The following RFC3 variants were observed in gnomAD, a reference collection of about 807,000 sequenced individuals.
RFC3 encodes the protein replication factor C subunit 3, also known as A1 38 kDa subunit.
In RFC3, 41 loss-of-function variants were observed where a neutral mutation model predicts 45.1. The ratio of observed to expected loss-of-function variants is 0.91; its 90% confidence interval spans 0.71 to 1.18. The LOEUF (loss-of-function observed/expected upper bound fraction) is 1.18. Ranked by LOEUF, RFC3 falls within the 50% of genes most tolerant of loss-of-function variation. The pLI, the probability that RFC3 is intolerant of heterozygous loss-of-function variation, is 0.00. For synonymous variants in RFC3, 149 were observed against 144.0 expected, an observed-to-expected ratio of 1.03 and a Z score of -0.25; for missense variants, 423 against 428.1, an observed-to-expected ratio of 0.99 and a Z score of 0.10.
chr13:33,974,256 T>G, the RFC3 span, among the ~76,000 whole-genome samples: 1 of 152,212 alleles, frequency 6.6e-6, no homozygotes, highest in Admixed American at 6.5e-5. Context: ...CTTCTTTTTT[T>G]CTTTTTATTT....
At chr13:33,841,413 A>G (rs2082197582), downstream of RFC3, among the ~76,000 whole-genome samples, 1 of 152,318 alleles carries the variant, frequency 6.6e-6, no homozygotes, top group Middle Eastern at 3.4e-3. Flanking sequence ...GCCATGTGGT[A>G]CCTTTACAGA....
intron 1 of RFC3, among the ~76,000 whole-genome samples, chr13:33,819,659 G>A (rs897625059): frequency 5.9e-5 from 9 of 152,040 alleles, no homozygotes; most frequent in South Asian, 4.2e-4. Context: ...TACATTTTCC[G>A]TCAATAGCTT....
At chr13:33,921,975 A>G (rs1411071576) in intron 8 of RFC3, among the ~76,000 whole-genome samples, 2 of 152,092 alleles carry the variant, frequency 1.3e-5, no homozygotes, top group East Asian at 3.9e-4. Flanking sequence ...AGGTCTAGGT[A>G]AACTTCAGCA....
At chr13:33,913,682 GA>G (rs1263887632) in intron 8 of RFC3, among the ~76,000 whole-genome samples, 2 of 152,200 alleles carry the variant, frequency 1.3e-5, no homozygotes, top group Non-Finnish European at 2.9e-5. Flanking sequence ...AGGATTAAGT[GA>G]AATATCGTAT....
intron 8 of RFC3, among the ~76,000 whole-genome samples, chr13:33,883,132 G>A (rs1256632239): frequency 2.0e-5 from 3 of 152,162 alleles, no homozygotes; most frequent in Non-Finnish European, 4.4e-5. Flanking sequence ...TAAATACCCA[G>A]GCATGTAATT....
At chr13:33,864,756 G>A (rs900244752) in intron 8 of RFC3, among the ~76,000 whole-genome samples, 1 of 151,898 alleles carries the variant, frequency 6.6e-6, no homozygotes, top group Non-Finnish European at 1.5e-5. Flanking sequence ...CCAATAAATG[G>A]TATAGATTTT....
chr13:33,920,445 T>G (rs1041339687), intron 8 of RFC3, among the ~76,000 whole-genome samples: 2 of 129,468 alleles, frequency 1.5e-5, no homozygotes, highest in Non-Finnish European at 3.2e-5. Flanking sequence ...TTTTTTTTTT[T>G]GCAACAAGGT....
At chr13:33,847,203 A>T (rs2082244057) in intron 8 of RFC3, 1 of 152,408 alleles carries the variant, frequency 6.6e-6, no homozygotes, top group African/African-American at 2.4e-5. Flanking sequence ...TGCCTGGCCT[A>T]CACAGATTCT....
chr13:33,891,748 T>G (rs2082564628), intron 8 of RFC3, among the ~76,000 whole-genome samples: 1 of 152,158 alleles, frequency 6.6e-6, no homozygotes, highest in Non-Finnish European at 1.5e-5. Context: ...ATGCTCTACT[T>G]CTACAATGTC....
At chr13:33,959,160 A>C (rs1378193608) in intron 8 of RFC3, among the ~76,000 whole-genome samples, 1 of 152,022 alleles carries the variant, frequency 6.6e-6, no homozygotes, top group Non-Finnish European at 1.5e-5. Flanking sequence ...CTTTATTTAA[A>C]TGTCTCTTGT....
At chr13:33,902,940 C>G (rs994363175) in intron 8 of RFC3, among the ~76,000 whole-genome samples, 46 of 151,988 alleles carry the variant, frequency 3.0e-4, no homozygotes, top group Non-Finnish European at 5.2e-4. Flanking sequence ...GCAAAAAGAT[C>G]CCGTAATGTT....
chr13:33,924,521 G>T (rs537418508), intron 8 of RFC3, among the ~76,000 whole-genome samples: 2 of 151,650 alleles, frequency 1.3e-5, no homozygotes, highest in Admixed American at 6.6e-5. Context: ...AGCTTGCAAG[G>T]CCTGAAACAT....
chr13:33,906,127 T>A (rs1205188311), intron 8 of RFC3, among the ~76,000 whole-genome samples: 1 of 152,122 alleles, frequency 6.6e-6, no homozygotes, highest in Non-Finnish European at 1.5e-5. Flanking sequence ...TTTGTGTAAG[T>A]GTCACATTGA....
Position 33,820,086 on chromosome 13 carries a change from C to G in RFC3, c.88-1046C>G, listed in dbSNP as rs193263470. 2.5e-3 allele frequency among the ~76,000 whole-genome samples: 384 copies of G among 152,294 alleles called. 1 individual carries two copies. Among genetic ancestry groups the G allele is most frequent in the Non-Finnish European group, 4.0e-3 (272 of 68,030 alleles). ...AATAATGGTTATTTACAGAACTTCA[C>G]CTTACAAGACTTTATGCTCCCGAGG... On this transcript the variant is annotated intron_variant, in intron 1 of 8. Coordinates refer to ENST00000380071, the MANE Select transcript of RFC3 (RefSeq NM_002915.4).
At chr13:33,884,972 T>C (rs1462095130) in intron 8 of RFC3, among the ~76,000 whole-genome samples, 1 of 152,184 alleles carries the variant, frequency 6.6e-6, no homozygotes, top group Non-Finnish European at 1.5e-5. Flanking sequence ...CTCGACCTCT[T>C]AGTGTGAGAG....
the RFC3 span, among the ~76,000 whole-genome samples, chr13:33,973,366 A>G: frequency 0.016 from 2,426 of 152,276 alleles, 49 homozygotes; most frequent in African/African-American, 0.052. Flanking sequence ...CAGCAGATAA[A>G]AATCAGTGCA....
intron 8 of RFC3, among the ~76,000 whole-genome samples, chr13:33,960,720 A>C (rs1332356977): frequency 5.9e-5 from 9 of 152,242 alleles, no homozygotes; most frequent in Non-Finnish European, 1.0e-4. Context: ...CCACTGCCTC[A>C]ATTCACACAC....
chr13:33,957,218 A>G (rs1021619796), intron 8 of RFC3, among the ~76,000 whole-genome samples: 4 of 152,228 alleles, frequency 2.6e-5, no homozygotes, highest in African/African-American at 9.6e-5. Context: ...ACGTCAAAAA[A>G]TTATGGTGAA....
At chr13:33,867,383 G>A (rs944984004) in intron 8 of RFC3, among the ~76,000 whole-genome samples, 1 of 152,188 alleles carries the variant, frequency 6.6e-6, no homozygotes, top group East Asian at 1.9e-4. Flanking sequence ...CTGTGATTCT[G>A]TTAATCATTT....
Sources: allele counts gnomAD v4.1 joint callset (sites outside exome capture counted in the v4.1 genomes callset), GRCh38; gene constraint gnomAD v4.1.1; transcripts MANE v1.5; gene names NCBI Gene and HGNC (gene_info 2026-07-23, HGNC 2026-07-21).